IKZF2: variants seen among roughly 807,000 people sequenced by gnomAD.
IKZF2 encodes IKAROS family zinc finger 2.
Under a neutral mutation model 49.2 loss-of-function variants are expected in IKZF2, and 15 were observed. That is an observed-to-expected ratio of 0.30 (90% CI 0.20 to 0.47). The LOEUF (loss-of-function observed/expected upper bound fraction) is 0.47. Among genes scored for constraint, IKZF2 ranks in the 20% least tolerant of loss-of-function variants. IKZF2 has a pLI of 1.00. For synonymous variants in IKZF2, 227 were observed against 221.4 expected, an observed-to-expected ratio of 1.03 and a Z score of -0.23; for missense variants, 567 against 664.6, an observed-to-expected ratio of 0.85 and a Z score of 1.61.
At chr2:213,074,757 T>C (rs1434924314) in intron 4 of IKZF2, among the ~76,000 whole-genome samples, 1 of 152,170 alleles carries the variant, frequency 6.6e-6, no homozygotes, top group East Asian at 1.9e-4. Flanking sequence ...AGTAATAGAA[T>C]GCCAAATTTT....
intron 4 of IKZF2, among the ~76,000 whole-genome samples, chr2:213,128,422 A>T (rs1477690277): frequency 1.3e-5 from 2 of 152,172 alleles, no homozygotes. Context: ...TCACACAGCT[A>T]TTAGGTTGAA....
chr2:213,151,793 CGTGCGCGCGCGTGCGTGT>C (rs983460846), upstream of IKZF2, among the ~76,000 whole-genome samples: 6 of 147,204 alleles, frequency 4.1e-5, no homozygotes, highest in Admixed American at 1.4e-4. Flanking sequence ...AGCGGACGTG[CGTGCGCGCGCGTGCGTGT>C]GTGCGGGGCC....
chr2:213,147,047 T>C (rs1224309804), intron 4 of IKZF2, among the ~76,000 whole-genome samples: 2 of 152,146 alleles, frequency 1.3e-5, no homozygotes, highest in East Asian at 1.9e-4. Flanking sequence ...GTAAGTTGCA[T>C]CTTATTACAT....
intron 4 of IKZF2, among the ~76,000 whole-genome samples, chr2:213,088,349 G>A (rs1027529676): frequency 6.6e-6 from 1 of 151,962 alleles, no homozygotes; most frequent in South Asian, 2.1e-4. Context: ...TTTTTGATGG[G>A]GTTGTTTGAT....
intron 6 of IKZF2, among the ~76,000 whole-genome samples, chr2:213,043,677 T>A (rs1176061360): frequency 6.6e-6 from 1 of 152,188 alleles, no homozygotes; most frequent in East Asian, 1.9e-4. Flanking sequence ...GGCATTAGAT[T>A]CTCATAAGGA....
rs115607084 is a variant in IKZF2 at position 213,053,892 on chromosome 2, G to A, written c.406+2941C>T. On this transcript the variant is annotated intron_variant, in intron 5 of 8. Transcript: ENST00000434687. ...AGTATGACAGAGAAAGAAGAAGAGTGGATTCGATCTGATGCTCCATGATAT... is the reference window on the plus strand; with the variant it reads ...AGTATGACAGAGAAAGAAGAAGAGTAGATTCGATCTGATGCTCCATGATAT... Among the ~76,000 whole-genome samples, 1,271 of 152,256 alleles carry A rather than the reference G, an allele frequency of 8.3e-3. 10 individuals are homozygous for A. Among genetic ancestry groups the A allele is most frequent in the Non-Finnish European group, 0.01 (711 of 68,020 alleles).
intron 4 of IKZF2, among the ~76,000 whole-genome samples, chr2:213,081,907 G>T (rs4672672): frequency 6.6e-6 from 1 of 152,056 alleles, no homozygotes; most frequent in Admixed American, 6.6e-5. Context: ...AGTCCATTAA[G>T]GATATTCAAT....
At chr2:213,054,861 AT>A (rs1700992074) in intron 5 of IKZF2, among the ~76,000 whole-genome samples, 1 of 152,178 alleles carries the variant, frequency 6.6e-6, no homozygotes, top group Non-Finnish European at 1.5e-5. Context: ...ATTTTCAAAA[AT>A]AAAATAATTC....
At chr2:213,150,319 C>T in intron 1 of IKZF2, 72 bp from the exon 2 acceptor site, 1 of 536,118 alleles carries the variant, frequency 1.9e-6, no homozygotes, top group Non-Finnish European at 3.3e-6. Flanking sequence ...TCCCTTGCCC[C>T]CTCCAAGCCA....
At chr2:213,083,384 C>CTTTTTTTT (rs753296985) in intron 4 of IKZF2, among the ~76,000 whole-genome samples, 10 of 80,158 alleles carry the variant, frequency 1.2e-4, no homozygotes, top group African/African-American at 5.4e-4. Context: ...GACGGCGAAC[C>CTTTTTTTT]TTTTTTTTTT....
At chr2:213,041,585 A>G (rs1411954446) in intron 6 of IKZF2, among the ~76,000 whole-genome samples, 1 of 152,176 alleles carries the variant, frequency 6.6e-6, no homozygotes. Context: ...TACAGGTGTG[A>G]GCCACCGTGC....
chr2:213,130,558 T>C (rs986613838), intron 4 of IKZF2, among the ~76,000 whole-genome samples: 1 of 152,162 alleles, frequency 6.6e-6, no homozygotes, highest in Non-Finnish European at 1.5e-5. Context: ...ATAATCTTAC[T>C]AGTAGCTGAA....
chr2:213,073,829 G>T (rs11689895), intron 4 of IKZF2, among the ~76,000 whole-genome samples: 62,840 of 152,134 alleles, frequency 0.41, 14,515 homozygotes, highest in East Asian at 0.77. Context: ...TAAAAATTCA[G>T]AATGATGTGA....
At chr2:213,087,970 G>A (rs1704849094) in intron 4 of IKZF2, among the ~76,000 whole-genome samples, 1 of 152,188 alleles carries the variant, frequency 6.6e-6, no homozygotes, top group Non-Finnish European at 1.5e-5. Flanking sequence ...AAACACACGT[G>A]TGCATGTGTC....
intron 4 of IKZF2, among the ~76,000 whole-genome samples, chr2:213,134,848 G>A (rs1011981339): frequency 9.2e-5 from 14 of 152,136 alleles, no homozygotes; most frequent in Admixed American, 6.5e-5. Flanking sequence ...AGGAAAAGAC[G>A]CTATTTTTCA....
chr2:213,015,494 CAA>C (rs995292992), intron 7 of IKZF2, among the ~76,000 whole-genome samples: 3 of 151,826 alleles, frequency 2.0e-5, no homozygotes, highest in African/African-American at 7.3e-5. Flanking sequence ...AAAAGTGACA[CAA>C]AAGTAAAAGA....
At chr2:213,111,774 T>C (rs1376106346) in intron 4 of IKZF2, among the ~76,000 whole-genome samples, 1 of 152,158 alleles carries the variant, frequency 6.6e-6, no homozygotes. Flanking sequence ...AGAATGGTTG[T>C]TAATTTTTGT....
chr2:213,085,069 C>T (rs1704420246), intron 4 of IKZF2, among the ~76,000 whole-genome samples: 2 of 152,238 alleles, frequency 1.3e-5, no homozygotes, highest in African/African-American at 4.8e-5. Context: ...AGGCACTTAA[C>T]ACAGTGGCTG....
chr2:213,105,597 G>A (rs1330293593), intron 4 of IKZF2, among the ~76,000 whole-genome samples: 1 of 144,766 alleles, frequency 6.9e-6, no homozygotes, highest in African/African-American at 2.6e-5. Flanking sequence ...GGAAGGGGGG[G>A]GTGGTATGTC....
Sources: allele counts gnomAD v4.1 joint callset (sites outside exome capture counted in the v4.1 genomes callset), GRCh38; gene constraint gnomAD v4.1.1; transcripts MANE v1.5; gene names NCBI Gene and HGNC (gene_info 2026-07-23, HGNC 2026-07-21).